The following WDR49 variants were observed in gnomAD, a reference collection of about 807,000 sequenced individuals.
WDR49 encodes WD repeat domain 49.
A neutral mutation model predicts 119.5 loss-of-function variants in WDR49; 107 were observed. The ratio of observed to expected loss-of-function variants is 0.90; its 90% CI spans 0.77 to 1.05. WDR49 has a LOEUF of 1.05. Among genes scored for constraint, WDR49 ranks in the 50% least tolerant of loss-of-function variants. The probability of loss-of-function intolerance (pLI) is 0.00; values close to 1 mark genes in which losing one functional copy is unlikely to be tolerated. For synonymous variants in WDR49, 425 were observed against 418.8 expected, an observed-to-expected ratio of 1.01 and a Z score of -0.18; for missense variants, 1,240 against 1,220.5, an observed-to-expected ratio of 1.02 and a Z score of -0.24.
intron 10 of WDR49, among the ~76,000 whole-genome samples, chr3:167,541,000 G>T (rs998362323): frequency 2.0e-5 from 3 of 151,766 alleles, no homozygotes; most frequent in East Asian, 1.9e-4. Flanking sequence ...ATCAGAAAAA[G>T]AAAAAATAAT....
chr3:167,493,871 A>T (rs979654189), intron 18 of WDR49, among the ~76,000 whole-genome samples: 3 of 152,200 alleles, frequency 2.0e-5, no homozygotes, highest in East Asian at 3.9e-4. Flanking sequence ...AACTAATGTC[A>T]TTTTCTAACT....
At chr3:167,640,323 C>A (rs541332740) in intron 2 of WDR49, among the ~76,000 whole-genome samples, 20 of 151,960 alleles carry the variant, frequency 1.3e-4, no homozygotes, top group Non-Finnish European at 2.2e-4. Flanking sequence ...AGCATTTAAA[C>A]ATGATCAAGT....
intron 7 of WDR49, among the ~76,000 whole-genome samples, chr3:167,589,749 AT>A (rs1389689061): frequency 6.6e-6 from 1 of 152,064 alleles, no homozygotes; most frequent in Non-Finnish European, 1.5e-5. Context: ...GCATATAGAA[AT>A]GCAACTGATT....
chr3:167,600,798 G>C (rs1344815483), intron 7 of WDR49, among the ~76,000 whole-genome samples: 1 of 152,210 alleles, frequency 6.6e-6, no homozygotes, highest in Non-Finnish European at 1.5e-5. Context: ...ATTGAAGGCA[G>C]AAGGAAGAGC....
intron 15 of WDR49, among the ~76,000 whole-genome samples, chr3:167,526,642 C>G (rs1752643352): frequency 6.6e-6 from 1 of 152,138 alleles, no homozygotes; most frequent in Admixed American, 6.6e-5. Context: ...GAGATTGCTA[C>G]AGCTCCGGAG....
intron 8 of WDR49, 121 bp downstream of exon 8, chr3:167,575,797 T>C: frequency 1.1e-6 from 1 of 950,918 alleles, no homozygotes; most frequent in South Asian, 1.7e-5. Context: ...TATTAAATCA[T>C]TTCTTCCCAT....
intron 6 of WDR49, among the ~76,000 whole-genome samples, chr3:167,603,892 ATG>A (rs149974758): frequency 1.7e-4 from 26 of 150,856 alleles, no homozygotes; most frequent in African/African-American, 5.1e-4. Context: ...TTGTGTATGG[ATG>A]TGTGTGTGTG....
chr3:167,627,258 C>G lies in WDR49; in HGVS notation c.200G>C (p.Arg67Thr), dbSNP rs1717173399. ...TGTCATCTTCTGCGTGAAGTCTTCT[C>G]TGGACATACAAATGATTTTCCTTGG... Reference protein sequence around the residue: ...PQPRKIICMSREDFTQKMTEI... With the variant: ...PQPRKIICMSTEDFTQKMTEI... The change falls in exon 3 of 19, where the codon AGA becomes ACA. Residue 67 changes from arginine (R) to threonine (T), a missense_variant. Physicochemically the swap from Arg to Thr is moderately conservative, Grantham distance 71. Transcript: ENST00000682715. The G allele has an allele frequency of 4.8e-6, 6 of 1,240,898 alleles. No homozygotes were observed. The highest frequency in any genetic ancestry group is 4.1e-4 in the Middle Eastern group (2 of 4,888). 76.9% of individuals were successfully genotyped at this position (1,240,898 alleles called of 1,614,324 possible). A position where few individuals can be genotyped will look rare whatever the true frequency, so the allele number is the denominator to read the frequency against.
chr3:167,596,541 TA>T (rs1363998409), intron 7 of WDR49, among the ~76,000 whole-genome samples: 289 of 150,612 alleles, frequency 1.9e-3, no homozygotes, highest in Non-Finnish European at 3.2e-3. Flanking sequence ...TATGCAGCCA[TA>T]AAAAATGATG....
intron 10 of WDR49, among the ~76,000 whole-genome samples, chr3:167,549,315 T>A (rs1035385721): frequency 2.0e-5 from 3 of 152,184 alleles, no homozygotes; most frequent in African/African-American, 7.2e-5. Context: ...ACCAACAGTG[T>A]AAAAGTGTTC....
intron 7 of WDR49, among the ~76,000 whole-genome samples, chr3:167,583,329 C>T (rs897414454): frequency 1.3e-5 from 2 of 151,832 alleles, no homozygotes; most frequent in African/African-American, 2.4e-5. Context: ...ATGAGAATTC[C>T]GATTAAATTA....
intron 2 of WDR49, among the ~76,000 whole-genome samples, chr3:167,652,117 C>T (rs1718413426): frequency 6.6e-6 from 1 of 152,124 alleles, no homozygotes; most frequent in East Asian, 1.9e-4. Flanking sequence ...TGAAATCTTT[C>T]AGACAAATGA....
At position 167,529,185 on chromosome 3, in the gene WDR49, A is replaced by G. The variant is rs2108240119; in HGVS notation, c.2273T>C (p.Ile758Thr). The change falls in exon 14 of 19, where the codon ATA becomes ACA. Residue 758 changes from isoleucine to threonine, a missense_variant. By Grantham distance (89) the Ile-to-Thr change is moderately conservative. Transcript: ENST00000682715. ...TTCAGCCAGAAGTTGCTTCTTATAT[A>G]TATCCCAAAATCTGACATAACCAGA... The part of the protein sequence containing the change: ...GGSGYVRFWD[I>T]YKKQLLAEFL... 6.2e-7 allele frequency: 1 copy of G among 1,611,270 alleles called. No homozygotes were observed. Among genetic ancestry groups the G allele is most frequent in the South Asian group, 1.1e-5 (1 of 90,682 alleles).
intron 8 of WDR49, among the ~76,000 whole-genome samples, chr3:167,574,492 T>C (rs1271953723): frequency 6.6e-6 from 1 of 152,230 alleles, no homozygotes; most frequent in African/African-American, 2.4e-5. Context: ...TACATACATA[T>C]CAATGCTTAT....
chr3:167,569,717 G>A (rs184143071), intron 8 of WDR49, among the ~76,000 whole-genome samples: 10 of 150,312 alleles, frequency 6.7e-5, no homozygotes, highest in African/African-American at 2.2e-4. Context: ...GTGCCCCCTC[G>A]CAGTTCAAAC....
rs529027435 is a variant in WDR49, at chr3:167,498,673, AC to A, written c.3031+1479del. Among the ~76,000 whole-genome samples the A allele has an allele frequency of 1.7e-4, 26 of 152,086 alleles. No individual in the cohort carries two copies. In the South Asian group the frequency reaches 5.4e-3, roughly 32 times the overall value. Reference sequence around the variant, plus strand: ...GGTTAAAAAAGAGTTATTTTAGAGCACCCTCCAGAGAAATAGGCAATAGCCT... The same window carrying A: ...GGTTAAAAAAGAGTTATTTTAGAGCACCTCCAGAGAAATAGGCAATAGCCT... On this transcript the variant is annotated intron_variant, in intron 18 of 18. Transcript: ENST00000682715.
At chr3:167,653,085 A>G (rs1577303364) in intron 2 of WDR49, among the ~76,000 whole-genome samples, 176 bp downstream of exon 2, 1 of 152,220 alleles carries the variant, frequency 6.6e-6, no homozygotes, top group East Asian at 1.9e-4. Flanking sequence ...CAAAGAACTG[A>G]GGGGCAAAGC....
chr3:167,649,720 C>A (rs1718283362), intron 2 of WDR49, among the ~76,000 whole-genome samples: 1 of 152,156 alleles, frequency 6.6e-6, no homozygotes, highest in Non-Finnish European at 1.5e-5. Context: ...TTTACTGTGC[C>A]TTTCTTACAC....
chr3:167,558,906 A>C (rs1428554665), intron 9 of WDR49, among the ~76,000 whole-genome samples: 3 of 152,152 alleles, frequency 2.0e-5, no homozygotes, highest in African/African-American at 2.4e-5. Context: ...CCACTGTCTA[A>C]TACTCCAGGT....
Sources: allele counts gnomAD v4.1 joint callset (sites outside exome capture counted in the v4.1 genomes callset), GRCh38; gene constraint gnomAD v4.1.1; transcripts MANE v1.5; gene names NCBI Gene and HGNC (gene_info 2026-07-23, HGNC 2026-07-21).